VANGL1: variants seen among roughly 807,000 people sequenced by gnomAD.
VANGL1 encodes the protein VANGL planar cell polarity protein 1.
Under a neutral mutation model 48.4 loss-of-function variants are expected in VANGL1, and 18 were observed. The ratio of observed to expected loss-of-function variants is 0.37; its 90% CI spans 0.26 to 0.55. The LOEUF is 0.55. VANGL1 is among the 20% of genes least tolerant of loss of function. The pLI is 0.81. For missense variants in VANGL1, 667 were observed against 675.8 expected, an observed-to-expected ratio of 0.99 and a Z score of 0.14; for synonymous variants, 257 against 261.8, an observed-to-expected ratio of 0.98 and a Z score of 0.18.
At chr1:115,664,476 G>C (rs894582285) in intron 4 of VANGL1, among the ~76,000 whole-genome samples, 1 of 152,168 alleles carries the variant, frequency 6.6e-6, no homozygotes, top group African/African-American at 2.4e-5. Context: ...GCAGTTGCTG[G>C]CTCTCACCCA....
chr1:115,690,516 C>T (rs770204804), intron 7 of VANGL1, among the ~76,000 whole-genome samples: 11 of 152,358 alleles, frequency 7.2e-5, no homozygotes, highest in South Asian at 4.1e-4. Context: ...CTTACCATGT[C>T]GGGCATTGCT....
chr1:115,653,720 A>G (rs932842332), intron 2 of VANGL1, among the ~76,000 whole-genome samples: 2 of 152,222 alleles, frequency 1.3e-5, no homozygotes, highest in Non-Finnish European at 1.5e-5. Context: ...GTAACTTCCA[A>G]TTAAAACAAC....
At position 115,689,256 on chromosome 1, in the gene VANGL1, A is replaced by G. The variant is rs187198861; in HGVS notation, c.1315-1863A>G. On this transcript the variant is annotated intron_variant, in intron 7 of 7. Transcript: ENST00000355485. The stretch of plus-strand genomic sequence containing the variant: ...TATATTAGAAGTGTGGGAGTATGCA[A>G]GGCCTTACTTTTCTGCCTTACAATA... Among the ~76,000 whole-genome samples, 90 of 137,520 alleles carry G rather than the reference A, an allele frequency of 6.5e-4. 14 individuals carry two copies. The highest frequency in any genetic ancestry group is 2.4e-3 in the African/African-American group (88 of 36,534). The allele number at this position is 137,520 out of a possible 152,430, so 90.2% of individuals were successfully genotyped here. A position where few individuals can be genotyped will look rare whatever the true frequency, so the allele number is the denominator to read the frequency against.
chr1:115,676,934 C>G (rs1653188665), intron 4 of VANGL1, among the ~76,000 whole-genome samples: 2 of 152,180 alleles, frequency 1.3e-5, no homozygotes, highest in African/African-American at 4.8e-5. Flanking sequence ...TCCCATCCTG[C>G]AGATGAAGAG....
Position 115,692,258 on chromosome 1 carries a change from G to A in VANGL1, c.*879G>A, listed in dbSNP as rs1044540453. 1 of 152,722 alleles carries A rather than the reference G, an allele frequency of 6.5e-6. No individual in the cohort carries two copies. 9.5% of individuals were successfully genotyped at this position (152,722 alleles called of 1,614,324 possible). On this transcript the variant is annotated 3_prime_UTR_variant, in exon 8 of 8. Transcript: ENST00000355485. ...ATGCCACCTTTAGGCTGCAGCAGGA[G>A]CCCCACACTGCCCAGTTTTCCTCCC...
chr1:115,688,461 A>G (rs1270845914), intron 7 of VANGL1, among the ~76,000 whole-genome samples: 1 of 139,262 alleles, frequency 7.2e-6, no homozygotes, highest in Non-Finnish European at 1.6e-5. Context: ...TAGTTGTGAC[A>G]GAATATGGCT....
chr1:115,680,567 G>A (rs1653347565), intron 4 of VANGL1, among the ~76,000 whole-genome samples: 1 of 152,212 alleles, frequency 6.6e-6, no homozygotes, highest in Non-Finnish European at 1.5e-5. Context: ...AGCCTCACAT[G>A]ACTGTACATT....
At chr1:115,669,353 A>C (rs1450040127) in intron 4 of VANGL1, among the ~76,000 whole-genome samples, 3 of 152,196 alleles carry the variant, frequency 2.0e-5, no homozygotes, top group Non-Finnish European at 4.4e-5. Flanking sequence ...TCAGGGTCAA[A>C]GTTTTGGGGT....
At chr1:115,689,652 G>T (rs1254561135) in intron 7 of VANGL1, among the ~76,000 whole-genome samples, 1 of 133,430 alleles carries the variant, frequency 7.5e-6, no homozygotes, top group South Asian at 2.6e-4. Context: ...AAAAAAAGAG[G>T]ATACTAGTTA....
chr1:115,686,136 T>A (rs1292696558), intron 7 of VANGL1, among the ~76,000 whole-genome samples: 1 of 152,080 alleles, frequency 6.6e-6, no homozygotes, highest in Non-Finnish European at 1.5e-5. Context: ...AACAACCCTG[T>A]CAGAGAGATA....
intron 3 of VANGL1, among the ~76,000 whole-genome samples, chr1:115,663,184 C>T (rs899415027): frequency 6.6e-6 from 1 of 152,156 alleles, no homozygotes; most frequent in Non-Finnish European, 1.5e-5. Context: ...TTCTGGGCTG[C>T]TAGAGGGTGT....
intron 1 of VANGL1, 115 bp from the exon 2 acceptor site, chr1:115,651,162 C>T (rs529259581): frequency 5.6e-5 from 28 of 503,918 alleles, no homozygotes; most frequent in South Asian, 8.4e-5. Context: ...CACCCTCACT[C>T]GCTTGTTCCA....
chr1:115,677,032 C>T (rs572490554), intron 4 of VANGL1, among the ~76,000 whole-genome samples: 57 of 152,356 alleles, frequency 3.7e-4, no homozygotes, highest in African/African-American at 1.3e-3. Flanking sequence ...CCAGAGTCTG[C>T]ACCAGTTGCA....
intron 4 of VANGL1, among the ~76,000 whole-genome samples, chr1:115,667,208 AT>A (rs1296893775): frequency 6.6e-6 from 1 of 152,114 alleles, no homozygotes; most frequent in Non-Finnish European, 1.5e-5. Flanking sequence ...TTCAAAGATG[AT>A]TTTATCGAAT....
intron 3 of VANGL1, among the ~76,000 whole-genome samples, chr1:115,662,272 T>C (rs1431846175): frequency 6.6e-6 from 1 of 152,256 alleles, no homozygotes; most frequent in Non-Finnish European, 1.5e-5. Context: ...GAGCGATGTC[T>C]GTCTTGCTGA....
In VANGL1 at chr1:115,682,442, CTCCAAAT is replaced by C; in HGVS notation, c.895_901del (p.Lys299GlufsTer9). On this transcript the variant is annotated frameshift_variant, in exon 5 of 8. Transcript: ENST00000355485. LOFTEE classifies it high-confidence loss of function. Reference sequence around the variant, plus strand: ...TCTATAACCCAAACCTCCTAACAGCCTCCAAATTCCGAGCAGCCAAGCATATGGCCGG... The same window carrying C: ...TCTATAACCCAAACCTCCTAACAGCCTCCGAGCAGCCAAGCATATGGCCGG... The C allele has an allele frequency of 6.2e-7, 1 of 1,614,160 alleles. No individual in the cohort carries two copies. The highest frequency in any genetic ancestry group is 8.5e-7 in the Non-Finnish European group (1 of 1,180,036).
At chr1:115,659,073 A>G (rs1163855621) in intron 2 of VANGL1, among the ~76,000 whole-genome samples, 1 of 152,166 alleles carries the variant, frequency 6.6e-6, no homozygotes, top group African/African-American at 2.4e-5. Flanking sequence ...ACCTATGGGA[A>G]TGACTTAGTT....
chr1:115,685,173 C>T (rs1170719025), intron 6 of VANGL1, 120 bp from the exon 7 acceptor site: 11 of 1,017,448 alleles, frequency 1.1e-5, no homozygotes, highest in South Asian at 4.1e-5. Context: ...ATGCAAGCAG[C>T]GTGATTGGGC....
intron 6 of VANGL1, 74 bp from the exon 7 acceptor site, chr1:115,685,219 A>G: frequency 6.5e-7 from 1 of 1,536,400 alleles, no homozygotes; most frequent in Non-Finnish European, 8.9e-7. Flanking sequence ...GCAGCAGGGT[A>G]GACAAGCGTC....
Sources: gnomAD v4.1 joint callset for allele counts (sites outside exome capture counted in the v4.1 genomes callset) on GRCh38, gnomAD v4.1.1 for gene constraint, MANE v1.5 for transcripts, NCBI Gene and HGNC (gene_info 2026-07-23, HGNC 2026-07-21) for gene names.